Variants in NEK9 observed in about 807,000 individuals in gnomAD.
The protein encoded by NEK9 is serine/threonine-protein kinase Nek9.
In NEK9, 75 loss-of-function variants were observed where a neutral mutation model predicts 123.4. The observed-to-expected ratio is 0.61, with a 90% confidence interval of 0.50 to 0.74. The LOEUF (loss-of-function observed/expected upper bound fraction) is 0.74. NEK9 is among the 30% of genes least tolerant of loss of function. NEK9 has a pLI of 0.00. For missense variants in NEK9, 952 were observed against 1,214.4 expected, an observed-to-expected ratio of 0.78 and a Z score of 3.21; for synonymous variants, 438 against 458.7, an observed-to-expected ratio of 0.95 and a Z score of 0.58.
At chr14:75,123,905 G>T in intron 2 of NEK9, 141 bp downstream of exon 2, 1 of 646,048 alleles carries the variant, frequency 1.5e-6, no homozygotes. Context: ...ATTCTCCAAG[G>T]CCTGAAAAGT....
chr14:75,104,051 A>G, intron 13 of NEK9, 54 bp from the exon 14 acceptor site: 1 of 1,525,648 alleles, frequency 6.6e-7, no homozygotes, highest in Non-Finnish European at 8.8e-7. Flanking sequence ...CGTATTAGAA[A>G]AAAAGCTCTC....
chr14:75,123,689 A>T (rs1299125438), intron 2 of NEK9, among the ~76,000 whole-genome samples: 4 of 152,136 alleles, frequency 2.6e-5, no homozygotes, highest in African/African-American at 9.7e-5. Context: ...AATAAATATC[A>T]CCTATAAGAT....
rs1245898602 is a variant in NEK9, at chr14:75,080,283, T to C, written c.*4281A>G. The C allele has an allele frequency of 1.3e-5, 2 of 149,212 alleles. No homozygotes were observed. Among genetic ancestry groups the C allele is most frequent in the Admixed American group, 1.3e-4 (2 of 14,856 alleles). 9.2% of individuals were successfully genotyped at this position (149,212 alleles called of 1,614,324 possible). ...AGGCAGAGGTTGCAGTGAGCTGAGA[T>C]CGCGCCACTGCACTCCAGCCTGGTG... On this transcript the variant is annotated 3_prime_UTR_variant, in exon 22 of 22. Transcript: ENST00000238616.
intron 12 of NEK9, 79 bp downstream of exon 12, chr14:75,106,423 T>C: frequency 1.8e-6 from 2 of 1,140,294 alleles, no homozygotes; most frequent in East Asian, 2.4e-5. Flanking sequence ...AGGGGCTGCA[T>C]GATGGGTTTA....
chr14:75,105,232 T>C (rs184904564), intron 13 of NEK9, among the ~76,000 whole-genome samples: 2 of 151,918 alleles, frequency 1.3e-5, no homozygotes, highest in Non-Finnish European at 2.9e-5. Flanking sequence ...CCATTGAGGA[T>C]GGTCCCTAGA....
rs199830344 is a variant in NEK9, at chr14:75,109,641, A to G, written c.1182+44T>C. 8.8e-4 allele frequency: 1,377 copies of G among 1,563,872 alleles called. 2 individuals carry two copies. Among genetic ancestry groups the G allele is most frequent in the Non-Finnish European group, 1.2e-3 (1,341 of 1,149,646 alleles). ...TTAGACATCGTGGGCCCAGTAAACA[A>G]TTAGGCTTACAGCACTGTTCCAAAA... On this transcript the variant is annotated intron_variant, in intron 10 of 21. Transcript: ENST00000238616.
intron 8 of NEK9, among the ~76,000 whole-genome samples, chr14:75,113,092 TA>T (rs779750429): frequency 1.8e-4 from 27 of 152,204 alleles, no homozygotes; most frequent in Non-Finnish European, 3.4e-4. Flanking sequence ...CTCTAAGGTT[TA>T]AAACCAATGG....
intron 16 of NEK9, among the ~76,000 whole-genome samples, chr14:75,097,821 T>C (rs1894438199): frequency 6.7e-6 from 1 of 149,350 alleles, no homozygotes; most frequent in Non-Finnish European, 1.5e-5. Context: ...TGACGAAGAG[T>C]TTCCAGGCAG....
In NEK9 at chr14:75,126,803, G is replaced by C; in HGVS notation, c.119C>G (p.Ala40Gly). ...CTCCTGCTCCGCCGCGCCGCCGCCG[G>C]CTCGCGGCCCCTGACTGGCGCTAGG... ...PGPSASQGPRAGGGAAEQEEL... is the reference protein window; with the variant it reads ...PGPSASQGPRGGGGAAEQEEL... Residue 40 changes from alanine (A) to glycine (G), a missense_variant, in exon 1 of 22, where the codon GCC (alanine) becomes GGC (glycine). By Grantham distance (60) the Ala-to-Gly change is moderately conservative. Coordinates refer to ENST00000238616, the MANE Select transcript of NEK9 (RefSeq NM_033116.6). 3 of 1,531,564 alleles carry C rather than the reference G, an allele frequency of 2.0e-6. No individual in the cohort carries two copies. Among genetic ancestry groups the C allele is most frequent in the Non-Finnish European group, 2.6e-6 (3 of 1,139,984 alleles). The allele number at this position is 1,531,564 out of a possible 1,614,324, so 94.9% of individuals were successfully genotyped here.
chr14:75,091,425 C>G lies in NEK9; in HGVS notation c.2287G>C (p.Glu763Gln), dbSNP rs1176687357. The G allele has an allele frequency of 6.2e-7, 1 of 1,612,430 alleles. No individual in the cohort carries two copies. The highest frequency in any genetic ancestry group is 8.5e-7 in the Non-Finnish European group (1 of 1,179,552). Reference sequence around the variant, plus strand: ...GTTTCAGATTCCTGCTGACTGTCCTCTTCTTCACCACCGCCGCCCCCGCCG... The same window carrying G: ...GTTTCAGATTCCTGCTGACTGTCCTGTTCTTCACCACCGCCGCCCCCGCCG... ...GGGGGGGGEE[E>Q]DSQQESETPD... Residue 763 changes from glutamate (E) to glutamine (Q), a missense_variant, in exon 19 of 22, where the codon GAG (glutamate) becomes CAG (glutamine). Glu to Gln is a conservative substitution (Grantham distance 29). Around this residue, in one of 4 missense-constraint regions of NEK9, gnomAD observed 698 missense variants for 875.6 expected, o/e 0.80. Transcript: ENST00000238616.
In NEK9 at chr14:75,096,514, A is replaced by C. The variant is rs1234601617; in HGVS notation, c.2173+586T>G. Among the ~76,000 whole-genome samples, 3 of 152,100 alleles carry C rather than the reference A, an allele frequency of 2.0e-5. No homozygotes were observed. The East Asian group carries it at 5.8e-4, about 29-fold the overall frequency. On this transcript the variant is annotated intron_variant, in intron 17 of 21. Coordinates refer to ENST00000238616, the MANE Select transcript of NEK9 (RefSeq NM_033116.6). ...CAGACAACAAATTAATTGGTGGATG[A>C]TTAGAAGTAACAAATTCTAGGGCCA...
At position 75,127,015 on chromosome 14, in the gene NEK9, C is replaced by G. The variant is rs1895562631; in HGVS notation, c.-94G>C. On this transcript the variant is annotated 5_prime_UTR_variant, in exon 1 of 22. Coordinates refer to ENST00000238616, the MANE Select transcript of NEK9 (RefSeq NM_033116.6). The stretch of plus-strand genomic sequence containing the variant: ...TCGCTTCAGATGCCGGCCCGCGGAT[C>G]CGTCAGCCCAGCAACCCCGCGAAGC... The G allele has an allele frequency of 1.8e-6, 2 of 1,089,604 alleles. No individual in the cohort carries two copies. The highest frequency in any genetic ancestry group is 1.8e-5 in the South Asian group (1 of 55,394). The allele number at this position is 1,089,604 out of a possible 1,614,324, so 67.5% of individuals were successfully genotyped here.
intron 9 of NEK9, 42 bp downstream of exon 9, chr14:75,110,279 A>G (rs770467440): frequency 1.3e-6 from 2 of 1,481,784 alleles, no homozygotes; most frequent in Non-Finnish European, 1.9e-6. Flanking sequence ...CCCTGGTTGT[A>G]ATTTCGGATA....
chr14:75,106,437 G>A, intron 12 of NEK9, 65 bp downstream of exon 12: 1 of 1,381,774 alleles, frequency 7.2e-7, no homozygotes, highest in Non-Finnish European at 1.0e-6. Flanking sequence ...GGGTTTAGAT[G>A]CATACAACTT....
chr14:75,105,847 G>A (rs1031910903), intron 13 of NEK9, 103 bp downstream of exon 13: 16 of 909,656 alleles, frequency 1.8e-5, no homozygotes, highest in Middle Eastern at 2.7e-4. Flanking sequence ...GAAACACTTC[G>A]GAAATAAATA....
intron 1 of NEK9, among the ~76,000 whole-genome samples, chr14:75,126,096 C>G (rs1015893609): frequency 6.6e-6 from 1 of 152,060 alleles, no homozygotes; most frequent in Admixed American, 6.6e-5. Flanking sequence ...TAGAATATAC[C>G]AACAAAGTAT....
chr14:75,113,162 G>C (rs113563792), intron 8 of NEK9, among the ~76,000 whole-genome samples, 177 bp downstream of exon 8: 230 of 152,302 alleles, frequency 1.5e-3, no homozygotes, highest in African/African-American at 5.3e-3. Flanking sequence ...AAACAGCACA[G>C]GCTAAGGAGG....
intron 19 of NEK9, among the ~76,000 whole-genome samples, chr14:75,089,668 T>C (rs175484): frequency 0.4 from 60,259 of 151,592 alleles, 12,593 homozygotes; most frequent in Middle Eastern, 0.5. Flanking sequence ...CCCAGGTAGC[T>C]GGGATTACAG....
chr14:75,095,849 C>T (rs1277791373), intron 17 of NEK9, among the ~76,000 whole-genome samples: 1 of 152,106 alleles, frequency 6.6e-6, no homozygotes, highest in East Asian at 1.9e-4. Context: ...GTGTCTGTGC[C>T]ACTGCACTCT....
Sources: allele counts gnomAD v4.1 joint callset (sites outside exome capture counted in the v4.1 genomes callset), GRCh38; gene constraint gnomAD v4.1.1; regional missense constraint gnomAD v4.1.1; transcripts MANE v1.5; gene names NCBI Gene and HGNC (gene_info 2026-07-23, HGNC 2026-07-21).